The following CAMTA1 variants were observed in gnomAD, a reference collection of about 807,000 sequenced individuals.
CAMTA1 encodes the protein calmodulin-binding transcription activator 1.
Under a neutral mutation model 170.9 loss-of-function variants are expected in CAMTA1, and 27 were observed. That is an observed-to-expected ratio of 0.16 (90% CI 0.12 to 0.22). The LOEUF is 0.22. CAMTA1 is among the 10% of genes least tolerant of loss of function. The pLI is 1.00. For synonymous variants in CAMTA1, 833 were observed against 891.5 expected, an observed-to-expected ratio of 0.93 and a Z score of 1.17; for missense variants, 1,619 against 2,217.2, an observed-to-expected ratio of 0.73 and a Z score of 5.42.
chr1:6,939,309 A>G (rs1463079034), intron 3 of CAMTA1, among the ~76,000 whole-genome samples: 1 of 152,232 alleles, frequency 6.6e-6, no homozygotes, highest in Non-Finnish European at 1.5e-5. Flanking sequence ...TAAGCATTTT[A>G]TGTATTATTC....
Position 7,737,470 on chromosome 1 carries a change from A to G in CAMTA1, c.3558A>G (p.Glu1186=). 6.2e-7 allele frequency: 1 copy of G among 1,614,140 alleles called. No homozygotes were observed. The highest frequency in any genetic ancestry group is 8.5e-7 in the Non-Finnish European group (1 of 1,179,984). Reference sequence around the variant, plus strand: ...CCAGAATCCACTGTCCTGCAAGCGAAGAGCCCAGCACAGAGAGCTGGATGG... The same window carrying G: ...CCAGAATCCACTGTCCTGCAAGCGAGGAGCCCAGCACAGAGAGCTGGATGG... ...QNPRIHCPAS[E]EPSTESWMAQ... Residue 1186 remains glutamate (E), a synonymous_variant, in exon 15 of 23, where the codon GAA becomes GAG. Transcript: ENST00000303635.
rs1026383856 is a variant in CAMTA1 at position 7,562,827 on chromosome 1, C to T, written c.511-77573C>T. ...CCCCCAAGCAAGGCGGACGGGATGACAGGCCCTCTAACCCCACCGCCCACT... is the reference window on the plus strand; with the variant it reads ...CCCCCAAGCAAGGCGGACGGGATGATAGGCCCTCTAACCCCACCGCCCACT... On this transcript the variant is annotated intron_variant, in intron 6 of 22. Transcript: ENST00000303635. The surrounding 1 kb of genome is among the most constrained non-coding windows in gnomAD (Gnocchi z 4.8). Among the ~76,000 whole-genome samples, 5 of 152,188 alleles carry T rather than the reference C, an allele frequency of 3.3e-5. No homozygotes were observed. Among genetic ancestry groups the T allele is most frequent in the African/African-American group, 1.2e-4 (5 of 41,452 alleles).
chr1:6,908,437 G>C (rs1312088194), intron 3 of CAMTA1, among the ~76,000 whole-genome samples: 1 of 152,178 alleles, frequency 6.6e-6, no homozygotes, highest in Non-Finnish European at 1.5e-5. Flanking sequence ...TATTCAAGAA[G>C]TATATTTAAA....
At chr1:7,301,351 A>C (rs1277980725) in intron 5 of CAMTA1, among the ~76,000 whole-genome samples, 1 of 152,240 alleles carries the variant, frequency 6.6e-6, no homozygotes, top group Non-Finnish European at 1.5e-5. Flanking sequence ...TAGTTTGGAA[A>C]AATACAGATC....
chr1:7,493,989 A>G (rs1025899419), intron 6 of CAMTA1, among the ~76,000 whole-genome samples: 4 of 151,982 alleles, frequency 2.6e-5, no homozygotes, highest in Admixed American at 1.3e-4. Flanking sequence ...CCATCTCGGG[A>G]GGGCTAGCGG....
intron 4 of CAMTA1, among the ~76,000 whole-genome samples, chr1:7,168,026 G>A (rs1573604725): frequency 3.3e-5 from 5 of 152,108 alleles, no homozygotes; most frequent in Admixed American, 3.3e-4. Context: ...GTGAGCCACT[G>A]TACCCAGCTG....
chr1:7,008,891 A>G (rs1557963817), intron 3 of CAMTA1, among the ~76,000 whole-genome samples: 1 of 152,258 alleles, frequency 6.6e-6, no homozygotes, highest in Non-Finnish European at 1.5e-5. Context: ...GATAAATGTT[A>G]TGGTTTAATG....
At chr1:7,535,179 G>A (rs1012206937) in intron 6 of CAMTA1, among the ~76,000 whole-genome samples, 2 of 152,240 alleles carry the variant, frequency 1.3e-5, no homozygotes, top group Non-Finnish European at 2.9e-5. Context: ...TTCAGTGAAT[G>A]AATGAACGAA....
intron 6 of CAMTA1, among the ~76,000 whole-genome samples, chr1:7,615,371 T>C (rs1336043144): frequency 2.0e-5 from 3 of 152,202 alleles, no homozygotes; most frequent in African/African-American, 7.2e-5. Flanking sequence ...GAAGTATATA[T>C]ATGGCATAGT....
At chr1:6,833,910 C>T (rs1254986291) in intron 3 of CAMTA1, among the ~76,000 whole-genome samples, 2 of 152,208 alleles carry the variant, frequency 1.3e-5, no homozygotes, top group Non-Finnish European at 2.9e-5. Flanking sequence ...TTGAGAAACA[C>T]TGCTCTCTTG....
At chr1:6,985,222 T>C (rs973004565) in intron 3 of CAMTA1, among the ~76,000 whole-genome samples, 4 of 152,212 alleles carry the variant, frequency 2.6e-5, no homozygotes, top group African/African-American at 9.6e-5. Flanking sequence ...ACTGCAGCTG[T>C]AGCTACGGGG....
intron 5 of CAMTA1, among the ~76,000 whole-genome samples, chr1:7,298,244 A>G (rs202060601): frequency 6.6e-6 from 1 of 152,096 alleles, no homozygotes; most frequent in East Asian, 1.9e-4. Context: ...TTAGCATCAG[A>G]GAAACAAATC....
chr1:7,446,995 C>T (rs2092697141), intron 5 of CAMTA1, among the ~76,000 whole-genome samples: 1 of 152,192 alleles, frequency 6.6e-6, no homozygotes, highest in Non-Finnish European at 1.5e-5. Flanking sequence ...AGGAGGGTCT[C>T]AAACCTGGAG....
At chr1:7,716,354 A>G (rs1363000532) in intron 11 of CAMTA1, among the ~76,000 whole-genome samples, 1 of 152,164 alleles carries the variant, frequency 6.6e-6, no homozygotes, top group Non-Finnish European at 1.5e-5. Context: ...CATTTTATCC[A>G]TTAGGACCTA....
chr1:7,542,229 C>G (rs1303566773), intron 6 of CAMTA1, among the ~76,000 whole-genome samples: 1 of 152,016 alleles, frequency 6.6e-6, no homozygotes, highest in African/African-American at 2.4e-5. Flanking sequence ...AAAATAACCT[C>G]TGTTTACATT....
chr1:7,106,353 A>G (rs1643590418), intron 4 of CAMTA1, among the ~76,000 whole-genome samples: 1 of 152,026 alleles, frequency 6.6e-6, no homozygotes, highest in Non-Finnish European at 1.5e-5. Context: ...AGAGGGAGCA[A>G]AAGAGAGGGA....
In CAMTA1 at chr1:7,670,924, T is replaced by G; in HGVS notation, c.2666T>G (p.Val889Gly). The change falls in exon 10 of 23, where the codon GTC becomes GGC. Residue 889 changes from valine to glycine, a missense_variant. By Grantham distance (109) the Val-to-Gly change is moderately radical. This residue lies in a region of CAMTA1 where 29 missense variants were observed against 70.9 expected (regional missense o/e 0.41). Coordinates refer to ENST00000303635, the MANE Select transcript of CAMTA1 (RefSeq NM_015215.4). ...TGTTCTCTGCAGGGAGGAGTGAAGG[T>G]CCTCATCACAGGCCCGTGGCAAGAA... Reference protein sequence around the residue: ...EWSYPEGGVKVLITGPWQEAS... With the variant: ...EWSYPEGGVKGLITGPWQEAS... 6.2e-7 allele frequency: 1 copy of G among 1,613,662 alleles called. No homozygotes were observed. The highest frequency in any genetic ancestry group is 1.1e-5 in the South Asian group (1 of 91,082).
chr1:6,902,039 TCACACA>T (rs536174579), intron 3 of CAMTA1, among the ~76,000 whole-genome samples: 12 of 114,364 alleles, frequency 1.0e-4, no homozygotes, highest in East Asian at 2.6e-4. Context: ...GGTGAGACTG[TCACACA>T]CACACACACA....
intron 5 of CAMTA1, among the ~76,000 whole-genome samples, chr1:7,436,390 G>C (rs552683600): frequency 7.4e-4 from 113 of 152,350 alleles, no homozygotes; most frequent in Non-Finnish European, 1.3e-3. Flanking sequence ...CCCAGTTCCA[G>C]GCAGCAGACT....
Sources: gnomAD v4.1 joint callset for allele counts (sites outside exome capture counted in the v4.1 genomes callset) on GRCh38, gnomAD v4.1.1 for gene constraint, gnomAD v4.1.1 regional missense constraint, Gnocchi (gnomAD v3.1) non-coding constraint, MANE v1.5 for transcripts, NCBI Gene and HGNC (gene_info 2026-07-23, HGNC 2026-07-21) for gene names.